The following EPHB1 variants were observed in gnomAD, a reference collection of about 807,000 sequenced individuals.
EPHB1 encodes EPH receptor B1.
Under a neutral mutation model 94.4 loss-of-function variants are expected in EPHB1, and 30 were observed. The observed-to-expected ratio is 0.32, with a 90% CI of 0.24 to 0.43. The LOEUF is 0.43. Among genes scored for constraint, EPHB1 ranks in the 20% least tolerant of loss-of-function variants. The pLI is 1.00. For synonymous variants in EPHB1, 522 were observed against 489.1 expected (o/e 1.07, Z -0.89); for missense variants, 1,055 against 1,308.3 (o/e 0.81, Z 2.99).
chr3:134,819,889 G>A (rs997184509), intron 1 of EPHB1, among the ~76,000 whole-genome samples: 3 of 152,168 alleles, frequency 2.0e-5, no homozygotes, highest in African/African-American at 7.2e-5. Context: ...TGGGCCCAGC[G>A]CAGGGGACAC....
At chr3:134,864,903 C>T (rs1167216614) in intron 1 of EPHB1, among the ~76,000 whole-genome samples, 1 of 152,214 alleles carries the variant, frequency 6.6e-6, no homozygotes, top group African/African-American at 2.4e-5. Context: ...ATCCCACAGA[C>T]CTGGAGTCCC....
At chr3:135,025,314 A>C (rs1576325436) in intron 3 of EPHB1, among the ~76,000 whole-genome samples, 1 of 109,338 alleles carries the variant, frequency 9.1e-6, no homozygotes, top group South Asian at 3.7e-4. Context: ...GCACCCACTA[A>C]CTCGTCATCT....
chr3:135,090,984 T>G (rs1938530790), intron 3 of EPHB1, among the ~76,000 whole-genome samples: 1 of 152,224 alleles, frequency 6.6e-6, no homozygotes, highest in Non-Finnish European at 1.5e-5. Flanking sequence ...ACAGCAAAAT[T>G]ATTTTATCAA....
At chr3:135,044,608 G>A (rs976311234) in intron 3 of EPHB1, among the ~76,000 whole-genome samples, 2 of 152,140 alleles carry the variant, frequency 1.3e-5, no homozygotes, top group Non-Finnish European at 2.9e-5. Flanking sequence ...TTAAATGGAG[G>A]CAAAATTATG....
intron 3 of EPHB1, among the ~76,000 whole-genome samples, chr3:135,049,128 G>T (rs1215884200): frequency 6.6e-6 from 1 of 152,190 alleles, no homozygotes; most frequent in Non-Finnish European, 1.5e-5. Context: ...ATCCATCATT[G>T]AGCAGGTGAG....
intron 3 of EPHB1, among the ~76,000 whole-genome samples, chr3:134,953,777 T>C (rs2107717058): frequency 6.6e-6 from 1 of 152,368 alleles, no homozygotes; most frequent in Non-Finnish European, 1.5e-5. Flanking sequence ...GAACAGGCTT[T>C]CATTTCTTTG....
chr3:135,248,527 G>A lies in EPHB1; in HGVS notation c.2690+18G>A. On this transcript the variant is annotated intron_variant, in intron 14 of 15. Coordinates refer to ENST00000398015, the MANE Select transcript of EPHB1 (RefSeq NM_004441.5). ...ACCGCCGTGTGAGTCTAGTGAAACG[G>A]TGATCCCTAAATATGGCTGGTTTCA... 6.4e-7 allele frequency: 1 copy of A among 1,556,896 alleles called. No homozygotes were observed. Among genetic ancestry groups the A allele is most frequent in the Non-Finnish European group, 8.7e-7 (1 of 1,143,890 alleles).
chr3:134,862,791 A>G (rs2037295052), intron 1 of EPHB1, among the ~76,000 whole-genome samples: 1 of 152,186 alleles, frequency 6.6e-6, no homozygotes, highest in Non-Finnish European at 1.5e-5. Context: ...CCAACCCCAC[A>G]GCACAGTTGA....
At position 135,176,165 on chromosome 3, in the gene EPHB1, A is replaced by G. The variant is rs547350842; in HGVS notation, c.1760-3695A>G. Among the ~76,000 whole-genome samples, 4 of 152,196 alleles carry G rather than the reference A, an allele frequency of 2.6e-5. No individual in the cohort carries two copies. The East Asian group carries it at 7.7e-4, about 29-fold the overall frequency. On this transcript the variant is annotated intron_variant, in intron 9 of 15. Transcript: ENST00000398015. ...GGGAGCCCTTACGTGCTTGGTTGAG[A>G]GTGCTCAACCAAGTCACTCTCCTGA...
intron 3 of EPHB1, among the ~76,000 whole-genome samples, chr3:135,018,011 AT>A (rs998900731): frequency 2.6e-5 from 4 of 152,108 alleles, no homozygotes; most frequent in African/African-American, 7.2e-5. Context: ...GAGGGGGGGC[AT>A]GATGAGAGCT....
At chr3:134,916,201 A>G (rs1197442490) in intron 1 of EPHB1, among the ~76,000 whole-genome samples, 1 of 152,082 alleles carries the variant, frequency 6.6e-6, no homozygotes, top group Admixed American at 6.5e-5. Context: ...CTTGAGCTAG[A>G]TACAGAGTGC....
chr3:135,245,867 T>G (rs1243073720), intron 13 of EPHB1, among the ~76,000 whole-genome samples: 1 of 109,372 alleles, frequency 9.1e-6, no homozygotes, highest in South Asian at 3.0e-4. Context: ...GTGGAGACAA[T>G]AAGGGAAACA....
chr3:135,114,716 C>T lies in EPHB1; in HGVS notation c.961+8113C>T, dbSNP rs1939613110. 3.3e-5 allele frequency among the ~76,000 whole-genome samples: 4 copies of T among 119,438 alleles called. No individual in the cohort carries two copies. In the Admixed American group the frequency reaches 3.9e-4, roughly 12 times the overall value. 78.4% of individuals were successfully genotyped at this position (119,438 alleles called of 152,430 possible). A position where few individuals can be genotyped will look rare whatever the true frequency, so the allele number is the denominator to read the frequency against. Reference sequence around the variant, plus strand: ...CCAGCCTGGATGATAGAGCAAGACTCTGTCTCAGATAGATAAATAAATAAA... The same window carrying T: ...CCAGCCTGGATGATAGAGCAAGACTTTGTCTCAGATAGATAAATAAATAAA... On this transcript the variant is annotated intron_variant, in intron 4 of 15. Transcript: ENST00000398015.
intron 12 of EPHB1, among the ~76,000 whole-genome samples, chr3:135,223,862 A>G (rs1943330497): frequency 6.6e-6 from 1 of 152,240 alleles, no homozygotes; most frequent in Non-Finnish European, 1.5e-5. Context: ...CCCTACTGAA[A>G]TAAATGCCCT....
At chr3:135,093,061 C>T (rs1021968423) in intron 3 of EPHB1, among the ~76,000 whole-genome samples, 5 of 152,216 alleles carry the variant, frequency 3.3e-5, no homozygotes, top group Non-Finnish European at 5.9e-5. Context: ...TGGACTTCTT[C>T]TTACCCAATA....
At position 135,230,220 on chromosome 3, in the gene EPHB1, C is replaced by T. The variant is rs182588031; in HGVS notation, c.2347-10928C>T. ...GCCTCCTCCTGAACCCTTCTTGCCC[C>T]CTGTTCCATGGTCCTCCATGCCAGC... is the stretch of plus-strand genomic sequence containing the variant. On this transcript the variant is annotated intron_variant, in intron 12 of 15. Transcript: ENST00000398015. 8.5e-5 allele frequency among the ~76,000 whole-genome samples: 13 copies of T among 152,314 alleles called. No homozygotes were observed. In the East Asian group the frequency reaches 2.5e-3, roughly 29 times the overall value.
intron 3 of EPHB1, among the ~76,000 whole-genome samples, chr3:135,054,643 C>T (rs990933220): frequency 6.6e-5 from 10 of 152,222 alleles, no homozygotes; most frequent in East Asian, 1.9e-4. Flanking sequence ...CCAGCTAGCA[C>T]GGATGTTAGC....
intron 3 of EPHB1, among the ~76,000 whole-genome samples, chr3:135,019,113 T>C (rs1265466073): frequency 2.6e-5 from 4 of 152,122 alleles, no homozygotes; most frequent in East Asian, 3.9e-4. Context: ...CCACAATACC[T>C]GGAGGCCCCA....
chr3:135,138,149 T>C (rs1940688748), intron 5 of EPHB1, among the ~76,000 whole-genome samples: 1 of 152,244 alleles, frequency 6.6e-6, no homozygotes, highest in Non-Finnish European at 1.5e-5. Flanking sequence ...GCAGTTCATG[T>C]ATGGCCTGCG....
Sources: allele counts gnomAD v4.1 joint callset (sites outside exome capture counted in the v4.1 genomes callset), GRCh38; gene constraint gnomAD v4.1.1; transcripts MANE v1.5; gene names NCBI Gene and HGNC (gene_info 2026-07-23, HGNC 2026-07-21).